Variants in GTF2IRD1 observed in about 807,000 individuals in gnomAD.
GTF2IRD1 encodes the protein GTF2I repeat domain containing 1.
In GTF2IRD1, 26 loss-of-function variants were observed where a neutral mutation model predicts 113.2. That is an observed-to-expected ratio of 0.23 (90% CI 0.17 to 0.32). The LOEUF is 0.32. GTF2IRD1 is among the 10% of genes least tolerant of loss of function. The pLI is 1.00. For missense variants in GTF2IRD1, 864 were observed against 1,280.8 expected (o/e 0.67, Z 4.97); for synonymous variants, 484 against 529.1 (o/e 0.91, Z 1.17).
chr7:74,538,314 T>C (rs1452767048), intron 12 of GTF2IRD1, 141 bp downstream of exon 12: 1 of 806,372 alleles, frequency 1.2e-6, no homozygotes, highest in Non-Finnish European at 2.1e-6. Flanking sequence ...CTGCCTCCAC[T>C]AGGCCTCGCA....
chr7:74,491,050 G>C (rs2117223002), intron 1 of GTF2IRD1, among the ~76,000 whole-genome samples: 1 of 152,256 alleles, frequency 6.6e-6, no homozygotes, highest in Non-Finnish European at 1.5e-5. Context: ...GCTCATGCCT[G>C]TAATCCCAGC....
chr7:74,480,905 C>T (rs1429401411), intron 1 of GTF2IRD1, among the ~76,000 whole-genome samples: 1 of 152,158 alleles, frequency 6.6e-6, no homozygotes, highest in African/African-American at 2.4e-5. Flanking sequence ...GGAGGAAGGA[C>T]GCCCTACCTT....
chr7:74,550,427 G>A (rs1198864537), intron 17 of GTF2IRD1, among the ~76,000 whole-genome samples: 1 of 145,314 alleles, frequency 6.9e-6, no homozygotes, highest in South Asian at 2.2e-4. Context: ...CATCTCTAGG[G>A]AAAAAAAAAA....
intron 22 of GTF2IRD1, among the ~76,000 whole-genome samples, chr7:74,584,919 C>T (rs1411867190): frequency 4.0e-5 from 6 of 151,876 alleles, no homozygotes; most frequent in Non-Finnish European, 8.8e-5. Flanking sequence ...CTCCTGCCTC[C>T]GCCCCCGGAG....
intron 1 of GTF2IRD1, among the ~76,000 whole-genome samples, chr7:74,466,631 G>T (rs993830749): frequency 6.6e-6 from 1 of 152,120 alleles, no homozygotes; most frequent in South Asian, 2.1e-4. Flanking sequence ...GTCTCAGCTG[G>T]GTTGTCACTC....
intron 1 of GTF2IRD1, among the ~76,000 whole-genome samples, chr7:74,490,088 C>G (rs1474622831): frequency 6.6e-6 from 1 of 151,872 alleles, no homozygotes; most frequent in African/African-American, 2.4e-5. Context: ...TGCCTCAGCA[C>G]CCCGAGTAGC....
chr7:74,551,117 G>A (rs1311736823), intron 17 of GTF2IRD1, among the ~76,000 whole-genome samples: 5 of 152,060 alleles, frequency 3.3e-5, no homozygotes, highest in Non-Finnish European at 7.4e-5. Context: ...CAAGGCAGAT[G>A]GATCACTTGA....
chr7:74,548,263 A>T (rs1554353935), intron 17 of GTF2IRD1, among the ~76,000 whole-genome samples: 1 of 152,030 alleles, frequency 6.6e-6, no homozygotes, highest in Non-Finnish European at 1.5e-5. Context: ...TAAAAAAAAA[A>T]TACAGAAAAT....
chr7:74,468,820 C>T (rs1381721600), intron 1 of GTF2IRD1, among the ~76,000 whole-genome samples: 2 of 151,860 alleles, frequency 1.3e-5, no homozygotes, highest in Non-Finnish European at 2.9e-5. Context: ...CGCGGTGGCT[C>T]ACGCCTGTAA....
At chr7:74,571,000 C>T (rs1461163589) in intron 22 of GTF2IRD1, 2 of 663,842 alleles carry the variant, frequency 3.0e-6, no homozygotes, top group Non-Finnish European at 1.9e-6. Flanking sequence ...CGAGGGCTCT[C>T]CCCGGACCCA....
At chr7:74,575,654 G>A (rs1801000013) in intron 22 of GTF2IRD1, among the ~76,000 whole-genome samples, 2 of 152,324 alleles carry the variant, frequency 1.3e-5, no homozygotes, top group South Asian at 4.1e-4. Flanking sequence ...GAGAAAATGA[G>A]GAGCTGACTT....
chr7:74,481,580 C>T (rs1794743624), intron 1 of GTF2IRD1, among the ~76,000 whole-genome samples: 1 of 152,154 alleles, frequency 6.6e-6, no homozygotes, highest in Admixed American at 6.6e-5. Flanking sequence ...GCATGGATCC[C>T]ACCCTGAGAT....
At chr7:74,564,228 T>C (rs1554359962) in intron 22 of GTF2IRD1, among the ~76,000 whole-genome samples, 1 of 152,164 alleles carries the variant, frequency 6.6e-6, no homozygotes, top group Non-Finnish European at 1.5e-5. Context: ...GGTTTCACCA[T>C]GTTGGCCAGG....
intron 1 of GTF2IRD1, among the ~76,000 whole-genome samples, chr7:74,489,551 C>T (rs1429246845): frequency 6.6e-6 from 1 of 152,098 alleles, no homozygotes; most frequent in Non-Finnish European, 1.5e-5. Flanking sequence ...CCATGTTGGC[C>T]AGCCTGGTCT....
rs1344802479 is a variant in GTF2IRD1, at chr7:74,602,583, T to C, written c.*150T>C. On this transcript the variant is annotated 3_prime_UTR_variant, in exon 27 of 27. Transcript: ENST00000424337. ...TGCCACCAAGGCCTTTTTAAATAAG[T>C]AAAAAAAGAAAAAAAAAAAAAAGAG... 1 of 375,724 alleles carries C rather than the reference T, an allele frequency of 2.7e-6. No homozygotes were observed. The highest frequency in any genetic ancestry group is 4.0e-5 in the East Asian group (1 of 25,080). 23.3% of individuals were successfully genotyped at this position (375,724 alleles called of 1,614,324 possible). A position where few individuals can be genotyped will look rare whatever the true frequency, so the allele number is the denominator to read the frequency against.
chr7:74,565,515 A>G (rs1306974221), intron 22 of GTF2IRD1, among the ~76,000 whole-genome samples: 1 of 150,636 alleles, frequency 6.6e-6, no homozygotes, highest in African/African-American at 2.5e-5. Flanking sequence ...ACAGAGCACA[A>G]CCCGGTCACA....
rs186873986 is a variant in GTF2IRD1 at position 74,541,251 on chromosome 7, G to T, written c.1618+1283G>T. Among the ~76,000 whole-genome samples, 531 of 152,090 alleles carry T rather than the reference G, an allele frequency of 3.5e-3. 2 individuals carry two copies. Among genetic ancestry groups the T allele is most frequent in the Non-Finnish European group, 5.6e-3 (379 of 68,004 alleles). ...CACGCCTGTAATTCCAGCACTTTGGGAGGCCAAGGCGAGGGTACTGCTTGA... is the reference window on the plus strand; with the variant it reads ...CACGCCTGTAATTCCAGCACTTTGGTAGGCCAAGGCGAGGGTACTGCTTGA... On this transcript the variant is annotated intron_variant, in intron 14 of 26. Transcript: ENST00000424337.
At chr7:74,539,814 T>C in intron 13 of GTF2IRD1, 65 bp from the exon 14 acceptor site, 1 of 1,141,222 alleles carries the variant, frequency 8.8e-7, no homozygotes, top group South Asian at 1.2e-5. Flanking sequence ...GGGTGGGCCC[T>C]GAGGGACTGT....
At chr7:74,563,845 A>C (rs1394972308) in intron 22 of GTF2IRD1, among the ~76,000 whole-genome samples, 12 of 149,336 alleles carry the variant, frequency 8.0e-5, no homozygotes, top group African/African-American at 3.0e-4. Context: ...GAGATTGTGC[A>C]ACTGCACTCC....
Sources: allele counts gnomAD v4.1 joint callset (sites outside exome capture counted in the v4.1 genomes callset), GRCh38; gene constraint gnomAD v4.1.1; transcripts MANE v1.5; gene names NCBI Gene and HGNC (gene_info 2026-07-23, HGNC 2026-07-21).